The following ZNF678 variants were observed in gnomAD, a reference collection of about 807,000 sequenced individuals.
The protein encoded by ZNF678 is hypothetical protein MGC42493.
A neutral mutation model predicts 3.0 loss-of-function variants in ZNF678; 5 were observed. The ratio of observed to expected loss-of-function variants is 1.69; its 90% CI spans 0.88 to 3.56. The LOEUF (loss-of-function observed/expected upper bound fraction) is 3.56. Ranked by LOEUF, ZNF678 falls within the 30% of genes most tolerant of loss-of-function variation. The pLI is 0.00. For synonymous variants in ZNF678, 218 were observed against 199.6 expected, an observed-to-expected ratio of 1.09 and a Z score of -0.78; for missense variants, 593 against 605.0, an observed-to-expected ratio of 0.98 and a Z score of 0.21.
At chr1:227,646,388 T>C (rs1658955159) in intron 1 of ZNF678, among the ~76,000 whole-genome samples, 156 bp from the exon 2 acceptor site, 1 of 152,250 alleles carries the variant, frequency 6.6e-6, no homozygotes, top group South Asian at 2.1e-4. Context: ...TCCTTAGAGT[T>C]ACAGAATGCA....
intron 1 of ZNF678, among the ~76,000 whole-genome samples, chr1:227,595,021 G>A (rs1486906755): frequency 6.6e-6 from 1 of 152,202 alleles, no homozygotes; most frequent in South Asian, 2.1e-4. Context: ...GAAAGCCTCA[G>A]TGCTTTCGGG....
intron 1 of ZNF678, among the ~76,000 whole-genome samples, chr1:227,568,313 C>CT (rs3033456): frequency 0.53 from 79,326 of 149,376 alleles, 21,512 homozygotes; most frequent in Non-Finnish European, 0.6. Flanking sequence ...TGAACAAGTA[C>CT]TTTTTTTTTT....
intron 1 of ZNF678, among the ~76,000 whole-genome samples, chr1:227,569,444 T>C (rs1169652996): frequency 2.0e-5 from 3 of 152,236 alleles, no homozygotes; most frequent in African/African-American, 4.8e-5. Context: ...TTTTTTGATT[T>C]GGCAGAAATT....
At chr1:227,678,631 T>C (rs1007564885), downstream of ZNF678, among the ~76,000 whole-genome samples, 2 of 152,220 alleles carry the variant, frequency 1.3e-5, no homozygotes, top group Non-Finnish European at 2.9e-5. Flanking sequence ...TACCATCCAA[T>C]GGGACTAGGA....
intron 1 of ZNF678, among the ~76,000 whole-genome samples, chr1:227,637,728 G>A (rs1658715465): frequency 6.6e-6 from 1 of 152,180 alleles, no homozygotes; most frequent in South Asian, 2.1e-4. Context: ...TCGTATAACG[G>A]TTTGGCAAGT....
At chr1:227,650,722 T>C (rs937776394) in intron 2 of ZNF678, among the ~76,000 whole-genome samples, 1 of 152,176 alleles carries the variant, frequency 6.6e-6, no homozygotes, top group Non-Finnish European at 1.5e-5. Flanking sequence ...GAAATTTATT[T>C]AGATGTTACC....
In ZNF678 at chr1:227,659,337, A is replaced by G. The variant is rs1467062251; in HGVS notation, c.*3509A>G. The G allele has an allele frequency of 6.6e-6, 1 of 152,124 alleles. No homozygotes were observed. The allele number at this position is 152,124 out of a possible 1,614,324, so 9.4% of individuals were successfully genotyped here. ...AGCCAATTCCTTAGTCATTTTCTGT[A>G]TTAAAAAACTCAGAGATCTAGAGAG... On this transcript the variant is annotated 3_prime_UTR_variant, in exon 4 of 4. Transcript: ENST00000343776.
At chr1:227,629,330 A>G (rs1489444720) in intron 1 of ZNF678, among the ~76,000 whole-genome samples, 2 of 152,256 alleles carry the variant, frequency 1.3e-5, no homozygotes, top group Non-Finnish European at 2.9e-5. Context: ...AGGGGACAAC[A>G]AATGGGTGTT....
intron 1 of ZNF678, among the ~76,000 whole-genome samples, chr1:227,593,406 G>A (rs187538273): frequency 7.3e-4 from 111 of 152,266 alleles, no homozygotes; most frequent in Admixed American, 2.0e-3. Context: ...TACAAAAACC[G>A]GTTGGGGCAG....
chr1:227,658,779 A>T lies in ZNF678; in HGVS notation c.*2951A>T, dbSNP rs1431640095. On this transcript the variant is annotated 3_prime_UTR_variant, in exon 4 of 4. Coordinates refer to ENST00000343776, the MANE Select transcript of ZNF678 (RefSeq NM_001367909.1). ...TTGGCATAATTGGGATGTACTCTAC[A>T]CAGTTTATAGGATTAAATTACTGAG... is the stretch of plus-strand genomic sequence containing the variant. The T allele has an allele frequency of 6.6e-6, 1 of 152,080 alleles. No individual in the cohort carries two copies. Among genetic ancestry groups the T allele is most frequent in the African/African-American group, 2.4e-5 (1 of 41,430 alleles). 9.4% of individuals were successfully genotyped at this position (152,080 alleles called of 1,614,324 possible). A position where few individuals can be genotyped will look rare whatever the true frequency, so the allele number is the denominator to read the frequency against.
At chr1:227,670,710 T>C (rs1417835739) in intron 5 of ZNF678, among the ~76,000 whole-genome samples, 1 of 152,204 alleles carries the variant, frequency 6.6e-6, no homozygotes, top group Non-Finnish European at 1.5e-5. Context: ...CCAGTAAGGA[T>C]TGCACACCCC....
chr1:227,594,195 T>A (rs760578364), intron 1 of ZNF678, among the ~76,000 whole-genome samples: 1 of 152,226 alleles, frequency 6.6e-6, no homozygotes, highest in Non-Finnish European at 1.5e-5. Flanking sequence ...TTTATTAGTT[T>A]TTAAACCAAA....
chr1:227,595,603 T>G (rs1272418032), intron 1 of ZNF678, among the ~76,000 whole-genome samples: 1 of 152,120 alleles, frequency 6.6e-6, no homozygotes, highest in Non-Finnish European at 1.5e-5. Flanking sequence ...GACCCATGCT[T>G]CTTCGAGACA....
chr1:227,627,128 G>C (rs1417793462), intron 1 of ZNF678, among the ~76,000 whole-genome samples: 1 of 150,776 alleles, frequency 6.6e-6, no homozygotes, highest in Non-Finnish European at 1.5e-5. Context: ...CACTTCACAG[G>C]CCCTAACTGT....
chr1:227,568,293 T>C (rs1026483426), intron 1 of ZNF678, among the ~76,000 whole-genome samples: 5 of 144,652 alleles, frequency 3.5e-5, no homozygotes, highest in East Asian at 4.0e-4. Flanking sequence ...ATGGGTTAAG[T>C]GGTGGTTGGT....
intron 1 of ZNF678, among the ~76,000 whole-genome samples, chr1:227,623,744 A>C (rs917913907): frequency 1.3e-5 from 2 of 152,140 alleles, no homozygotes; most frequent in Admixed American, 1.3e-4. Context: ...GAGGTAATCT[A>C]CTTTATTAAC....
chr1:227,565,406 G>A (rs1280725745), intron 1 of ZNF678, among the ~76,000 whole-genome samples: 1 of 152,122 alleles, frequency 6.6e-6, no homozygotes, highest in East Asian at 1.9e-4. Context: ...CAGGCTGCTG[G>A]AATGCAGTGA....
At chr1:227,634,364 G>A (rs1170250478) in intron 1 of ZNF678, among the ~76,000 whole-genome samples, 1 of 152,168 alleles carries the variant, frequency 6.6e-6, no homozygotes, top group Non-Finnish European at 1.5e-5. Context: ...AGAGGGTTTT[G>A]TCTTGCATGT....
Position 227,644,196 on chromosome 1 carries a change from G to T in ZNF678, c.-163-2348G>T, listed in dbSNP as rs142624496. Among the ~76,000 whole-genome samples the T allele has an allele frequency of 1.2e-4, 18 of 152,204 alleles. No individual in the cohort carries two copies. The East Asian group carries it at 2.9e-3, about 25-fold the overall frequency. ...TTTTATTTTTAAAATCAGTGATAGAGAAATGGAAAAAGAAATAGAAAGGAT... is the reference window on the plus strand; with the variant it reads ...TTTTATTTTTAAAATCAGTGATAGATAAATGGAAAAAGAAATAGAAAGGAT... On this transcript the variant is annotated intron_variant, in intron 1 of 3. Transcript: ENST00000343776.
Sources: allele counts gnomAD v4.1 joint callset (sites outside exome capture counted in the v4.1 genomes callset), GRCh38; gene constraint gnomAD v4.1.1; transcripts MANE v1.5; gene names NCBI Gene and HGNC (gene_info 2026-07-23, HGNC 2026-07-21).